TEX26: variants seen among roughly 807,000 people sequenced by gnomAD.
The protein encoded by TEX26 is testis-expressed protein 26.
Under a neutral mutation model 35.3 loss-of-function variants are expected in TEX26, and 34 were observed. That is an observed-to-expected ratio of 0.96 (90% CI 0.73 to 1.28). TEX26 has a LOEUF of 1.28. Ranked by LOEUF, TEX26 falls within the 50% of genes most tolerant of loss-of-function variation. The pLI is 0.00. For missense variants in TEX26, 371 were observed against 330.1 expected (o/e 1.12, Z -0.96); for synonymous variants, 136 against 111.8 (o/e 1.22, Z -1.36).
intron 4 of TEX26, among the ~76,000 whole-genome samples, chr13:30,961,331 T>C (rs1954335500): frequency 6.6e-6 from 1 of 152,222 alleles, no homozygotes; most frequent in Non-Finnish European, 1.5e-5. Flanking sequence ...AGCCACTTGG[T>C]ATTCAAGCTT....
intron 2 of TEX26, among the ~76,000 whole-genome samples, chr13:30,940,555 G>T (rs543281741): frequency 3.3e-5 from 5 of 151,936 alleles, no homozygotes; most frequent in African/African-American, 9.6e-5. Context: ...GGACGGTCTT[G>T]ATCTCCTGAC....
chr13:30,956,976 T>C lies in TEX26; in HGVS notation c.416T>C (p.Leu139Pro). The part of the protein sequence containing the change: ...PASMKEVNKA[L>P]SNQFISLTKR... ...TCAATGAAAGAAGTTAACAAGGCAC[T>C]ATCAAATCAGTTTATTTCCCTTACT... Residue 139 changes from leucine (L) to proline (P), a missense_variant, in exon 4 of 7, where the codon CTA (leucine) becomes CCA (proline). Transcript: ENST00000380473. 1 of 1,614,212 alleles carries C rather than the reference T, an allele frequency of 6.2e-7. No individual in the cohort carries two copies. The highest frequency in any genetic ancestry group is 1.1e-5 in the South Asian group (1 of 91,080).
intron 3 of TEX26, among the ~76,000 whole-genome samples, chr13:30,953,430 A>C (rs138805833): frequency 6.6e-6 from 1 of 152,344 alleles, no homozygotes; most frequent in East Asian, 1.9e-4. Context: ...CAGTACTTCC[A>C]GTCTTTGTCA....
chr13:30,955,806 C>G (rs1022895046), intron 3 of TEX26, among the ~76,000 whole-genome samples: 3 of 152,120 alleles, frequency 2.0e-5, no homozygotes, highest in African/African-American at 4.8e-5. Context: ...GGGGCTGGGC[C>G]TTGCTGAGGG....
At chr13:30,957,084 G>C in intron 4 of TEX26, 55 bp downstream of exon 4, 1 of 1,542,666 alleles carries the variant, frequency 6.5e-7, no homozygotes, top group Non-Finnish European at 8.9e-7. Flanking sequence ...CCCTGGAGTT[G>C]CAGTGGTCGG....
intron 4 of TEX26, among the ~76,000 whole-genome samples, chr13:30,959,727 A>G (rs1225960203): frequency 6.6e-6 from 1 of 152,214 alleles, no homozygotes; most frequent in Admixed American, 6.5e-5. Context: ...ATGACAGAAT[A>G]GAACAGAGAA....
chr13:30,973,421 G>A (rs1218773553), intron 6 of TEX26: 2 of 152,174 alleles, frequency 1.3e-5, no homozygotes, highest in Non-Finnish European at 2.9e-5. Context: ...TGGGATGGAA[G>A]GAATGATCTA....
intron 4 of TEX26, among the ~76,000 whole-genome samples, chr13:30,957,440 G>A (rs2138280343): frequency 6.6e-6 from 1 of 152,314 alleles, no homozygotes; most frequent in East Asian, 1.9e-4. Flanking sequence ...CGTGGGCAGA[G>A]AACACCCAGT....
At chr13:30,960,465 G>A (rs1214464506) in intron 4 of TEX26, among the ~76,000 whole-genome samples, 1 of 152,056 alleles carries the variant, frequency 6.6e-6, no homozygotes, top group Admixed American at 6.6e-5. Flanking sequence ...GGCTGGTCTT[G>A]AACTCCTGAG....
chr13:30,958,603 A>G lies in TEX26; in HGVS notation c.469+1574A>G, dbSNP rs545180686. 9.2e-5 allele frequency among the ~76,000 whole-genome samples: 14 copies of G among 152,272 alleles called. No individual in the cohort carries two copies. The East Asian group carries it at 2.7e-3, about 29-fold the overall frequency. ...CATCTCTCAAGGTCTGGGTGTCTCC[A>G]TCTTCATCCTACATCCCTTTTCCTG... is the stretch of plus-strand genomic sequence containing the variant. On this transcript the variant is annotated intron_variant, in intron 4 of 6. Transcript: ENST00000380473.
At chr13:30,948,765 T>C (rs1369465677) in intron 2 of TEX26, among the ~76,000 whole-genome samples, 2 of 152,210 alleles carry the variant, frequency 1.3e-5, no homozygotes. Flanking sequence ...TTTGTCAATT[T>C]TGGCTTTTGT....
intron 2 of TEX26, among the ~76,000 whole-genome samples, chr13:30,944,712 C>T (rs1953639379): frequency 6.6e-6 from 1 of 151,964 alleles, no homozygotes; most frequent in Non-Finnish European, 1.5e-5. Flanking sequence ...AAAAATCATG[C>T]AGGAGCAGAT....
intron 1 of TEX26, among the ~76,000 whole-genome samples, chr13:30,936,255 C>T (rs1330136568): frequency 6.6e-6 from 1 of 151,954 alleles, no homozygotes; most frequent in African/African-American, 2.4e-5. Context: ...ATTTTTTAAG[C>T]TTTATATTTT....
At chr13:30,946,461 G>A (rs183387302) in intron 2 of TEX26, among the ~76,000 whole-genome samples, 274 of 151,964 alleles carry the variant, frequency 1.8e-3, no homozygotes, top group African/African-American at 6.5e-3. Context: ...TTTCATTTTA[G>A]TTTAGATCCA....
intron 6 of TEX26, among the ~76,000 whole-genome samples, chr13:30,971,155 G>A (rs1334561055): frequency 1.3e-5 from 2 of 152,166 alleles, no homozygotes; most frequent in Non-Finnish European, 2.9e-5. Flanking sequence ...TTTATTAGAA[G>A]CTGAAAAACA....
intron 1 of TEX26, among the ~76,000 whole-genome samples, chr13:30,935,095 G>C (rs1473622688): frequency 6.6e-6 from 1 of 152,244 alleles, no homozygotes; most frequent in African/African-American, 2.4e-5. Flanking sequence ...CATCCCTGCA[G>C]GCTCAGGGGT....
At chr13:30,967,177 A>G (rs910874291) in intron 5 of TEX26, among the ~76,000 whole-genome samples, 2 of 152,210 alleles carry the variant, frequency 1.3e-5, no homozygotes, top group African/African-American at 4.8e-5. Context: ...CTAGTTAAAC[A>G]GAAAACTTGG....
At chr13:30,970,888 G>C (rs1235929322) in intron 6 of TEX26, among the ~76,000 whole-genome samples, 1 of 152,194 alleles carries the variant, frequency 6.6e-6, no homozygotes, top group Admixed American at 6.5e-5. Flanking sequence ...CCACCTAATG[G>C]GGTTTTCCTC....
intron 2 of TEX26, among the ~76,000 whole-genome samples, chr13:30,944,861 T>A (rs1274509528): frequency 1.3e-5 from 2 of 152,024 alleles, no homozygotes; most frequent in Non-Finnish European, 2.9e-5. Context: ...TTGTGGCCTA[T>A]TGTATGGTCT....
Sources: allele counts gnomAD v4.1 joint callset (sites outside exome capture counted in the v4.1 genomes callset), GRCh38; gene constraint gnomAD v4.1.1; transcripts MANE v1.5; gene names NCBI Gene and HGNC (gene_info 2026-07-23, HGNC 2026-07-21).